Variants in PPARGC1A observed in about 807,000 individuals in gnomAD.
PPARGC1A encodes peroxisome proliferator-activated receptor gamma coactivator 1-alpha.
Under a neutral mutation model 88.7 loss-of-function variants are expected in PPARGC1A, and 25 were observed. The ratio of observed to expected loss-of-function variants is 0.28; its 90% CI spans 0.21 to 0.39. The LOEUF is 0.39. Among genes scored for constraint, PPARGC1A ranks in the 10% least tolerant of loss-of-function variants. PPARGC1A has a pLI of 1.00. For synonymous variants in PPARGC1A, 363 were observed against 355.6 expected (o/e 1.02, Z -0.24); for missense variants, 880 against 968.7 (o/e 0.91, Z 1.22).
the PPARGC1A span, among the ~76,000 whole-genome samples, chr4:24,357,271 G>T: frequency 6.6e-6 from 1 of 152,168 alleles, no homozygotes; most frequent in Non-Finnish European, 1.5e-5. Flanking sequence ...GTCAGCTTCT[G>T]GGGGAGGTCA....
chr4:24,047,117 AC>A, the PPARGC1A span, among the ~76,000 whole-genome samples: 1 of 152,078 alleles, frequency 6.6e-6, no homozygotes, highest in African/African-American at 2.4e-5. Flanking sequence ...TCCATCTTGT[AC>A]CATTTTTTGA....
At chr4:24,325,293 C>T in the PPARGC1A span, among the ~76,000 whole-genome samples, 21 of 152,126 alleles carry the variant, frequency 1.4e-4, no homozygotes, top group Middle Eastern at 6.8e-3. Context: ...AATTAAATTC[C>T]GGCCCTCAAA....
the PPARGC1A span, among the ~76,000 whole-genome samples, chr4:24,096,215 T>G: frequency 4.6e-5 from 7 of 152,208 alleles, no homozygotes; most frequent in African/African-American, 1.7e-4. Context: ...CCCCTTGGCC[T>G]TCCACCATGA....
At chr4:23,972,389 A>G in the PPARGC1A span, among the ~76,000 whole-genome samples, 1,973 of 152,364 alleles carry the variant, frequency 0.013, 39 homozygotes, top group African/African-American at 0.045. Context: ...AGAGATGGCC[A>G]AAGTATGACT....
intron 2 of PPARGC1A, among the ~76,000 whole-genome samples, chr4:23,854,281 T>A (rs1406547418): frequency 6.6e-6 from 1 of 152,160 alleles, no homozygotes; most frequent in East Asian, 1.9e-4. Context: ...GGATTTCTTA[T>A]CAGGTCACAG....
chr4:24,300,775 A>G, the PPARGC1A span, among the ~76,000 whole-genome samples: 1 of 152,124 alleles, frequency 6.6e-6, no homozygotes, highest in Admixed American at 6.6e-5. Flanking sequence ...CTTCTGGCCA[A>G]TGAAATGCAA....
chr4:24,001,432 T>C, the PPARGC1A span, among the ~76,000 whole-genome samples: 1 of 152,148 alleles, frequency 6.6e-6, no homozygotes, highest in Non-Finnish European at 1.5e-5. Context: ...CAAACTCAAA[T>C]GATTTTTTTT....
the PPARGC1A span, among the ~76,000 whole-genome samples, chr4:23,955,406 A>G: frequency 6.6e-6 from 1 of 151,132 alleles, no homozygotes; most frequent in Non-Finnish European, 1.5e-5. Flanking sequence ...AAAATAAATT[A>G]CTCCCTAGTA....
At chr4:24,284,157 G>A in the PPARGC1A span, among the ~76,000 whole-genome samples, 2 of 151,450 alleles carry the variant, frequency 1.3e-5, no homozygotes, top group African/African-American at 4.9e-5. Flanking sequence ...AAATTAGCTG[G>A]GCGTGGTGGG....
At chr4:24,181,642 C>T in the PPARGC1A span, among the ~76,000 whole-genome samples, 4 of 152,042 alleles carry the variant, frequency 2.6e-5, no homozygotes, top group South Asian at 4.1e-4. Flanking sequence ...TAGGTATGGA[C>T]GAGTGAAGTT....
intron 2 of PPARGC1A, among the ~76,000 whole-genome samples, chr4:23,853,142 A>T (rs1429229164): frequency 6.6e-6 from 1 of 152,170 alleles, no homozygotes; most frequent in Non-Finnish European, 1.5e-5. Context: ...GAAGGTTTTC[A>T]TTATAGAAAG....
At chr4:23,884,508 C>T (rs35121232) in intron 2 of PPARGC1A, 32,634 of 425,178 alleles carry the variant, frequency 0.077, 1,598 homozygotes, top group Non-Finnish European at 0.1. Context: ...CACAGTTTAA[C>T]TCACTCACAG....
At chr4:23,872,985 T>TA (rs1713751091) in intron 2 of PPARGC1A, among the ~76,000 whole-genome samples, 1 of 151,668 alleles carries the variant, frequency 6.6e-6, no homozygotes, top group Admixed American at 6.6e-5. Context: ...GGTCAGGAGA[T>TA]AGAGACCATC....
chr4:24,227,189 A>T, the PPARGC1A span, among the ~76,000 whole-genome samples: 1 of 151,476 alleles, frequency 6.6e-6, no homozygotes. Context: ...GGTTCAAGCG[A>T]TTCTCCTGCC....
chr4:24,447,394 G>A, the PPARGC1A span, among the ~76,000 whole-genome samples: 3 of 152,172 alleles, frequency 2.0e-5, no homozygotes, highest in Admixed American at 6.5e-5. Flanking sequence ...AAGCTGAGGA[G>A]CCCAGGGATG....
the PPARGC1A span, among the ~76,000 whole-genome samples, chr4:23,981,738 T>C: frequency 6.6e-6 from 1 of 152,218 alleles, no homozygotes; most frequent in Non-Finnish European, 1.5e-5. Context: ...TTTAAATTAC[T>C]ATTATTCTCT....
the PPARGC1A span, among the ~76,000 whole-genome samples, chr4:24,190,329 C>G: frequency 6.6e-6 from 1 of 152,094 alleles, no homozygotes; most frequent in African/African-American, 2.4e-5. Flanking sequence ...TCCTGGCTAA[C>G]ACGGTGAAAC....
At chr4:24,326,785 G>T in the PPARGC1A span, among the ~76,000 whole-genome samples, 3 of 152,088 alleles carry the variant, frequency 2.0e-5, no homozygotes, top group Non-Finnish European at 4.4e-5. Context: ...AGCCAGGACC[G>T]CACCCTGTAG....
the PPARGC1A span, among the ~76,000 whole-genome samples, chr4:24,118,696 T>C: frequency 6.6e-6 from 1 of 152,152 alleles, no homozygotes; most frequent in Non-Finnish European, 1.5e-5. Context: ...CTCTTTACCC[T>C]TACACAAGCT....
Sources: allele counts gnomAD v4.1 joint callset (sites outside exome capture counted in the v4.1 genomes callset), GRCh38; gene constraint gnomAD v4.1.1; transcripts MANE v1.5; gene names NCBI Gene and HGNC (gene_info 2026-07-23, HGNC 2026-07-21).